The following CHD9 variants were observed in gnomAD, a reference collection of about 807,000 sequenced individuals.
The protein encoded by CHD9 is ATP-dependent chromatin remodeler CHD9.
In CHD9, 77 loss-of-function variants were observed where a neutral mutation model predicts 316.1. That is an observed-to-expected ratio of 0.24 (90% CI 0.20 to 0.29). CHD9 has a LOEUF of 0.29. Ranked by LOEUF, CHD9 falls within the 10% of genes least tolerant of loss-of-function variation. CHD9 has a pLI of 1.00. For synonymous variants in CHD9, 1,129 were observed against 1,158.3 expected (o/e 0.97, Z 0.51); for missense variants, 2,763 against 3,438.1 (o/e 0.80, Z 4.91).
At chr16:53,175,373 A>G (rs1318513283) in intron 2 of CHD9, among the ~76,000 whole-genome samples, 1 of 152,154 alleles carries the variant, frequency 6.6e-6, no homozygotes, top group Non-Finnish European at 1.5e-5. Context: ...AAGCTGGGGC[A>G]ATAGTAGGTC....
chr16:53,074,021 A>G (rs1221583416), intron 1 of CHD9, among the ~76,000 whole-genome samples: 1 of 152,198 alleles, frequency 6.6e-6, no homozygotes, highest in Non-Finnish European at 1.5e-5. Flanking sequence ...CTTCCTAGAG[A>G]CTTGTTGAAT....
intron 24 of CHD9, among the ~76,000 whole-genome samples, chr16:53,275,486 G>GA (rs1483055099): frequency 2.0e-5 from 3 of 152,158 alleles, no homozygotes; most frequent in Non-Finnish European, 4.4e-5. Context: ...GGAGGAAATA[G>GA]AAAAAACTAT....
chr16:53,284,349 GTGTA>G (rs767326586), intron 24 of CHD9, among the ~76,000 whole-genome samples: 1 of 150,886 alleles, frequency 6.6e-6, no homozygotes, highest in Non-Finnish European at 1.5e-5. Flanking sequence ...ATGTGTGTGT[GTGTA>G]TATATATATA....
chr16:53,157,892 C>T, intron 2 of CHD9, among the ~76,000 whole-genome samples: 1 of 152,012 alleles, frequency 6.6e-6, no homozygotes, highest in East Asian at 1.9e-4. Flanking sequence ...ATTGCAAATA[C>T]AATTAACATT....
At chr16:53,207,146 A>C (rs2045953793) in intron 2 of CHD9, among the ~76,000 whole-genome samples, 1 of 152,230 alleles carries the variant, frequency 6.6e-6, no homozygotes, top group Admixed American at 6.5e-5. Context: ...ACTAACCAGG[A>C]CCAACTGAAA....
At chr16:53,284,887 T>C (rs1025334536) in intron 24 of CHD9, among the ~76,000 whole-genome samples, 1 of 152,142 alleles carries the variant, frequency 6.6e-6, no homozygotes, top group Non-Finnish European at 1.5e-5. Context: ...CACCTCAGCC[T>C]CCCAAGTAGC....
intron 3 of CHD9, among the ~76,000 whole-genome samples, chr16:53,211,832 AG>A (rs1221341515): frequency 6.6e-6 from 1 of 152,210 alleles, no homozygotes; most frequent in Non-Finnish European, 1.5e-5. Flanking sequence ...TTCCAGTATT[AG>A]CCAATGAAAT....
At chr16:53,090,154 C>T (rs2035811608) in intron 1 of CHD9, among the ~76,000 whole-genome samples, 1 of 152,202 alleles carries the variant, frequency 6.6e-6, no homozygotes, top group Admixed American at 6.5e-5. Flanking sequence ...ACCGGAGTCC[C>T]TCCTCTGCCT....
At chr16:53,314,780 A>G in intron 35 of CHD9, 43 bp from the exon 36 acceptor site, 2 of 1,392,014 alleles carry the variant, frequency 1.4e-6, no homozygotes, top group Non-Finnish European at 1.0e-6. Context: ...TATTAGAATG[A>G]TAAAGTATGA....
intron 38 of CHD9, among the ~76,000 whole-genome samples, chr16:53,323,051 A>G (rs1315311234): frequency 6.6e-6 from 1 of 152,214 alleles, no homozygotes. Flanking sequence ...CTAGAACTGC[A>G]TTGTCACAAA....
rs59131817 is a variant in CHD9, at chr16:53,204,123, C to CGTGTGTGT, written c.1453-5340_1453-5333dup. On this transcript the variant is annotated intron_variant, in intron 2 of 38. Coordinates refer to ENST00000447540, the MANE Select transcript of CHD9 (RefSeq NM_001308319.2). ...GTAGAATGTTTCTTTATCTAGATAA[C>CGTGTGTGT]GTGTGTGTGTGTGTGTGTGTGTGTG... Among the ~76,000 whole-genome samples the CGTGTGTGT allele has an allele frequency of 4.2e-4, 59 of 142,142 alleles. No homozygotes were observed. In the Middle Eastern group the frequency reaches 0.011, roughly 26 times the overall value. 93.3% of individuals were successfully genotyped at this position (142,142 alleles called of 152,430 possible).
rs1480227054 is a variant in CHD9, at chr16:53,156,485, C to A, written c.396C>A (p.Thr132=). Residue 132 remains threonine (T), a synonymous_variant, in exon 2 of 39, where the codon ACC becomes ACA. Coordinates refer to ENST00000447540, the MANE Select transcript of CHD9 (RefSeq NM_001308319.2). ...TGTGGGGCCATCAGACAGCTACTACCATTTCAAATCAAAATGGATCTCCTT... is the reference window on the plus strand; with the variant it reads ...TGTGGGGCCATCAGACAGCTACTACAATTTCAAATCAAAATGGATCTCCTT... ...SPMWGHQTAT[T]ISNQNGSPFH... 17 of 1,613,820 alleles carry A rather than the reference C, an allele frequency of 1.1e-5. No individual in the cohort carries two copies. The highest frequency in any genetic ancestry group is 1.6e-4 in the Middle Eastern group (1 of 6,084).
chr16:53,118,188 G>A (rs916493102), intron 1 of CHD9, among the ~76,000 whole-genome samples: 4 of 151,906 alleles, frequency 2.6e-5, no homozygotes, highest in African/African-American at 4.8e-5. Context: ...AGGCGGAGGC[G>A]GGTGGATTAC....
In CHD9 at chr16:53,184,441, A is replaced by C. The variant is rs114134859; in HGVS notation, c.1453-25041A>C. Among the ~76,000 whole-genome samples the C allele has an allele frequency of 7.8e-3, 1,190 of 152,164 alleles. 10 individuals are homozygous for C. Among genetic ancestry groups the C allele is most frequent in the African/African-American group, 0.027 (1,141 of 41,512 alleles). ...AGCCTCAACCTCCTGGGCTCAAGCTATCCTCTCACCCCAACCTCCCTAGTA... is the reference window on the plus strand; with the variant it reads ...AGCCTCAACCTCCTGGGCTCAAGCTCTCCTCTCACCCCAACCTCCCTAGTA... On this transcript the variant is annotated intron_variant, in intron 2 of 38. Transcript: ENST00000447540.
At chr16:53,078,203 G>C (rs1380359683) in intron 1 of CHD9, among the ~76,000 whole-genome samples, 1 of 152,178 alleles carries the variant, frequency 6.6e-6, no homozygotes, top group African/African-American at 2.4e-5. Flanking sequence ...GCTATGGTTT[G>C]AATGTTCCCT....
At chr16:53,171,917 C>T (rs62048027) in intron 2 of CHD9, among the ~76,000 whole-genome samples, 42,008 of 150,646 alleles carry the variant, frequency 0.28, 5,963 homozygotes, top group Middle Eastern at 0.32. Context: ...GAAAGTACCC[C>T]CTCATCCCAC....
chr16:53,147,474 C>T (rs1042460937), intron 1 of CHD9, among the ~76,000 whole-genome samples: 1 of 152,194 alleles, frequency 6.6e-6, no homozygotes, highest in Non-Finnish European at 1.5e-5. Flanking sequence ...TTTTTATCAT[C>T]TCAAGGCACT....
At chr16:53,272,568 AGGT>A (rs1157271755) in intron 22 of CHD9, among the ~76,000 whole-genome samples, 1 of 152,170 alleles carries the variant, frequency 6.6e-6, no homozygotes, top group Non-Finnish European at 1.5e-5. Context: ...AATAAATAGG[AGGT>A]GGTATAGTTA....
At chr16:53,075,365 G>A (rs1014234331) in intron 1 of CHD9, among the ~76,000 whole-genome samples, 1 of 152,152 alleles carries the variant, frequency 6.6e-6, no homozygotes, top group African/African-American at 2.4e-5. Flanking sequence ...TTAAGACTTT[G>A]GGGGACTATT....
Sources: gnomAD v4.1 joint callset for allele counts (sites outside exome capture counted in the v4.1 genomes callset) on GRCh38, gnomAD v4.1.1 for gene constraint, MANE v1.5 for transcripts, NCBI Gene and HGNC (gene_info 2026-07-23, HGNC 2026-07-21) for gene names.